The following FAM227A variants were observed in gnomAD, a reference collection of about 807,000 sequenced individuals.
FAM227A encodes family with sequence similarity 227 member A.
FAM227A carries 80 observed loss-of-function variants against 74.7 expected under a neutral mutation model. That is an observed-to-expected ratio of 1.07 (90% CI 0.89 to 1.29). The LOEUF (loss-of-function observed/expected upper bound fraction) is 1.29, where lower values mean the gene tolerates loss of function less well. Among genes scored for constraint, FAM227A ranks in the 50% most tolerant of loss-of-function variants. The probability of loss-of-function intolerance (pLI) is 0.00; values close to 1 mark genes in which losing one functional copy is unlikely to be tolerated. For missense variants in FAM227A, 654 were observed against 683.4 expected (o/e 0.96, Z 0.48); for synonymous variants, 237 against 241.8 (o/e 0.98, Z 0.19).
intron 5 of FAM227A, among the ~76,000 whole-genome samples, chr22:38,637,516 C>T (rs2092030677): frequency 6.6e-6 from 1 of 152,178 alleles, no homozygotes. Context: ...AAACTAATTA[C>T]CGCCACCCAA....
intron 7 of FAM227A, 73 bp downstream of exon 7, chr22:38,628,761 T>C (rs2091859413): frequency 2.1e-6 from 2 of 936,626 alleles, no homozygotes; most frequent in South Asian, 3.0e-5. Flanking sequence ...GTAGCTCATG[T>C]CAAAGAGAAT....
Position 38,591,493 on chromosome 22 carries a change from T to C in FAM227A, c.1580A>G (p.Asn527Ser). 6.5e-7 allele frequency: 1 copy of C among 1,549,552 alleles called. No homozygotes were observed. Among genetic ancestry groups the C allele is most frequent in the Non-Finnish European group, 8.7e-7 (1 of 1,146,398 alleles). The change falls in exon 16 of 17, where the codon AAC becomes AGC. Residue 527 changes from asparagine to serine, a missense_variant. By Grantham distance (46) the Asn-to-Ser change is conservative. Coordinates refer to ENST00000535113, the MANE Select transcript of FAM227A (RefSeq NM_001013647.2). ...DPKAADTKKANHMFIPPSAVN... is the reference protein window; with the variant it reads ...DPKAADTKKASHMFIPPSAVN... ...GGCTGAAGGTGGGATGAACATGTGG[T>C]TTGCCTTTTTTGTATCTGCTGCTTT...
Position 38,641,422 on chromosome 22 carries a change from C to T in FAM227A, c.226-1698G>A, listed in dbSNP as rs76779505. Reference sequence around the variant, plus strand: ...AAAAAATTAGCCGGGCGTGGTGGCACGTGCCTATAATCCCACTACTTGGGA... The same window carrying T: ...AAAAAATTAGCCGGGCGTGGTGGCATGTGCCTATAATCCCACTACTTGGGA... On this transcript the variant is annotated intron_variant, in intron 3 of 16. Coordinates refer to ENST00000535113, the MANE Select transcript of FAM227A (RefSeq NM_001013647.2). Among the ~76,000 whole-genome samples, 22 of 151,990 alleles carry T rather than the reference C, an allele frequency of 1.4e-4. No homozygotes were observed. In the East Asian group the frequency reaches 3.7e-3, roughly 25 times the overall value.
At chr22:38,590,533 G>C (rs1458187398) in intron 16 of FAM227A, among the ~76,000 whole-genome samples, 1 of 152,162 alleles carries the variant, frequency 6.6e-6, no homozygotes, top group Non-Finnish European at 1.5e-5. Flanking sequence ...ATATCAAGCT[G>C]TCAGGTCTAA....
chr22:38,613,566 T>G (rs2091514704), intron 11 of FAM227A, among the ~76,000 whole-genome samples: 2 of 149,736 alleles, frequency 1.3e-5, no homozygotes, highest in East Asian at 3.9e-4. Flanking sequence ...TGTTTGCACC[T>G]GACATATATA....
chr22:38,582,450 C>G lies in FAM227A; in HGVS notation c.*3675G>C. ...TCATACAATTACTCATTTGCTTTAT[C>G]CCACATTACAGCAAATGCTTTTTAA... On this transcript the variant is annotated 3_prime_UTR_variant, in exon 17 of 17. Coordinates refer to ENST00000535113, the MANE Select transcript of FAM227A (RefSeq NM_001013647.2). 1 of 1,540,426 alleles carries G rather than the reference C, an allele frequency of 6.5e-7. No homozygotes were observed. Among genetic ancestry groups the G allele is most frequent in the Non-Finnish European group, 8.8e-7 (1 of 1,138,840 alleles).
intron 14 of FAM227A, among the ~76,000 whole-genome samples, chr22:38,599,352 A>G (rs2091120788): frequency 6.6e-6 from 1 of 152,128 alleles, no homozygotes; most frequent in East Asian, 1.9e-4. Context: ...GGTCTAAGGG[A>G]GGAATGTGTC....
chr22:38,610,076 T>G (rs1372808035), intron 11 of FAM227A, among the ~76,000 whole-genome samples: 2 of 151,710 alleles, frequency 1.3e-5, no homozygotes, highest in Admixed American at 6.6e-5. Flanking sequence ...CCCGGCCATT[T>G]TTTGTTTGTT....
In FAM227A at chr22:38,650,100, G is replaced by T; in HGVS notation, c.69C>A (p.His23Gln). Residue 23 changes from histidine to glutamine, a missense_variant, in exon 2 of 17, where the codon CAC becomes CAA. Coordinates refer to ENST00000535113, the MANE Select transcript of FAM227A (RefSeq NM_001013647.2). ...TCCGTGCGACAAGCGAGACAGCCAG[G>T]TGCTCATCCACTGGTATCATAGGTA... ...TTLPMIPVDE[H>Q]LAVSLVARNT... The T allele has an allele frequency of 6.4e-7, 1 of 1,551,910 alleles. No individual in the cohort carries two copies. The highest frequency in any genetic ancestry group is 1.2e-5 in the South Asian group (1 of 84,046).
chr22:38,620,162 T>G, intron 11 of FAM227A, 50 bp downstream of exon 11: 2 of 1,345,538 alleles, frequency 1.5e-6, no homozygotes, highest in East Asian at 2.5e-5. Context: ...CGAGGGTTCC[T>G]GAAGCTTATG....
intron 3 of FAM227A, among the ~76,000 whole-genome samples, chr22:38,645,099 T>C (rs1260488865): frequency 8.0e-6 from 1 of 124,616 alleles, no homozygotes; most frequent in African/African-American, 3.2e-5. Context: ...AATAAATAAA[T>C]AAAGTTTATT....
rs1186713731 is a variant in FAM227A, at chr22:38,586,097, G to A, written c.*28C>T. 6.4e-7 allele frequency: 1 copy of A among 1,551,860 alleles called. No individual in the cohort carries two copies. Among genetic ancestry groups the A allele is most frequent in the Non-Finnish European group, 8.7e-7 (1 of 1,147,038 alleles). On this transcript the variant is annotated 3_prime_UTR_variant, in exon 17 of 17. Coordinates refer to ENST00000535113, the MANE Select transcript of FAM227A (RefSeq NM_001013647.2). ...CAGAAATATCACGGATTCTGTAGGCGCTTCCTGGTTCTAGGTTGTGGAGCT... is the reference window on the plus strand; with the variant it reads ...CAGAAATATCACGGATTCTGTAGGCACTTCCTGGTTCTAGGTTGTGGAGCT...
At chr22:38,604,700 C>G (rs1288817394) in intron 13 of FAM227A, among the ~76,000 whole-genome samples, 1 of 152,180 alleles carries the variant, frequency 6.6e-6, no homozygotes, top group Non-Finnish European at 1.5e-5. Flanking sequence ...GTTGCCCAGG[C>G]TGGAGTGCAG....
At chr22:38,627,376 T>C (rs1253487849) in intron 8 of FAM227A, among the ~76,000 whole-genome samples, 1 of 151,904 alleles carries the variant, frequency 6.6e-6, no homozygotes, top group East Asian at 1.9e-4. Context: ...GAGACCAGCC[T>C]GGCCAACATG....
intron 3 of FAM227A, among the ~76,000 whole-genome samples, chr22:38,643,252 G>A (rs1020395028): frequency 2.0e-5 from 3 of 151,730 alleles, no homozygotes; most frequent in African/African-American, 4.8e-5. Context: ...GGAGGTAGAG[G>A]TTGCAGTGAG....
At position 38,599,740 on chromosome 22, in the gene FAM227A, C is replaced by A. The variant is rs775403177; in HGVS notation, c.1379+24G>T. The A allele has an allele frequency of 3.2e-6, 5 of 1,545,560 alleles. No individual in the cohort carries two copies. In the South Asian group the frequency reaches 3.6e-5, roughly 11 times the overall value. The stretch of plus-strand genomic sequence containing the variant: ...ACGCGGGGGCCTGGAGCAGTGCGCA[C>A]CCTGCCCACAGTGACAAGGATATGG... On this transcript the variant is annotated intron_variant, in intron 14 of 16. Transcript: ENST00000535113.
chr22:38,651,920 G>A (rs2092329074), intron 1 of FAM227A, among the ~76,000 whole-genome samples: 1 of 152,054 alleles, frequency 6.6e-6, no homozygotes, highest in South Asian at 2.1e-4. Context: ...TGGGCGTGGT[G>A]GGTCACGCCT....
At chr22:38,592,199 G>T (rs987928199) in intron 15 of FAM227A, among the ~76,000 whole-genome samples, 1 of 151,970 alleles carries the variant, frequency 6.6e-6, no homozygotes. Context: ...CGCCCACCTC[G>T]GCCTCCCCAA....
chr22:38,584,395 T>C lies in FAM227A; in HGVS notation c.*1730A>G, dbSNP rs550784816. On this transcript the variant is annotated 3_prime_UTR_variant, in exon 17 of 17. Transcript: ENST00000535113. The stretch of plus-strand genomic sequence containing the variant: ...ACTGAGATAATGTCTAAACCAGACT[T>C]AGCAGAGCACTCAGCACATACTAAG... 1.2e-3 allele frequency: 180 copies of C among 152,242 alleles called. 1 individual carries two copies. The Middle Eastern group carries it at 0.014, about 12-fold the overall frequency. The allele number at this position is 152,242 out of a possible 1,614,324, so 9.4% of individuals were successfully genotyped here.
Sources: allele counts gnomAD v4.1 joint callset (sites outside exome capture counted in the v4.1 genomes callset), GRCh38; gene constraint gnomAD v4.1.1; transcripts MANE v1.5; gene names NCBI Gene and HGNC (gene_info 2026-07-23, HGNC 2026-07-21).